The following CTDSPL variants were observed in gnomAD, a reference collection of about 807,000 sequenced individuals.
The protein encoded by CTDSPL is CTD small phosphatase like, also known as CTD small phosphatase-like protein.
Under a neutral mutation model 30.5 loss-of-function variants are expected in CTDSPL, and 8 were observed. The ratio of observed to expected loss-of-function variants is 0.26; its 90% confidence interval spans 0.15 to 0.47. CTDSPL has a LOEUF of 0.47. Among genes scored for constraint, CTDSPL ranks in the 20% least tolerant of loss-of-function variants. The pLI, the probability that CTDSPL is intolerant of heterozygous loss-of-function variation, is 0.99. For missense variants in CTDSPL, 248 were observed against 366.1 expected, an observed-to-expected ratio of 0.68 and a Z score of 2.63; for synonymous variants, 110 against 137.9, an observed-to-expected ratio of 0.80 and a Z score of 1.42.
At chr3:37,927,400 G>C (rs1046829928) in intron 1 of CTDSPL, among the ~76,000 whole-genome samples, 12 of 152,022 alleles carry the variant, frequency 7.9e-5, no homozygotes, top group Non-Finnish European at 1.5e-4. Context: ...CTATCCCCCA[G>C]ATAACTCATT....
In CTDSPL at chr3:37,982,445, A is replaced by G; in HGVS notation, c.*1578A>G. 3 of 426,446 alleles carry G rather than the reference A, an allele frequency of 7.0e-6. No individual in the cohort carries two copies. Among genetic ancestry groups the G allele is most frequent in the East Asian group, 1.4e-4 (2 of 14,066 alleles). The allele number at this position is 426,446 out of a possible 1,614,324, so 26.4% of individuals were successfully genotyped here. On this transcript the variant is annotated 3_prime_UTR_variant, in exon 8 of 8. Coordinates refer to ENST00000273179, the MANE Select transcript of CTDSPL (RefSeq NM_001008392.2). ...AAAAGAACCCTTTCATATTGGCACC[A>G]TTGCCTTAGTCCTCTGTGGGTTGGT... is the stretch of plus-strand genomic sequence containing the variant.
intron 1 of CTDSPL, among the ~76,000 whole-genome samples, chr3:37,937,302 T>A (rs1698927697): frequency 6.7e-6 from 1 of 150,054 alleles, no homozygotes; most frequent in Non-Finnish European, 1.5e-5. Context: ...TGTTGGGAGG[T>A]GGAACCTAAT....
At position 37,983,253 on chromosome 3, in the gene CTDSPL, C is replaced by T. The variant is rs1470585002; in HGVS notation, c.*2386C>T. 1 of 152,408 alleles carries T rather than the reference C, an allele frequency of 6.6e-6. No homozygotes were observed. The highest frequency in any genetic ancestry group is 2.4e-5 in the African/African-American group (1 of 41,406). 9.4% of individuals were successfully genotyped at this position (152,408 alleles called of 1,614,324 possible). On this transcript the variant is annotated 3_prime_UTR_variant, in exon 8 of 8. Coordinates refer to ENST00000273179, the MANE Select transcript of CTDSPL (RefSeq NM_001008392.2). ...TCCAAAATTCTGTTTTTATTTTAAC[C>T]CTTGAATCTGCTTTATGTACATAAT...
chr3:37,886,134 C>T lies in CTDSPL; in HGVS notation c.79+23856C>T, dbSNP rs143840372. On this transcript the variant is annotated intron_variant, in intron 1 of 7. Transcript: ENST00000273179. ...AGGGCTGCCTGAACCCCACCCTTCACGTCCTACTTGGGCTGCCAAAGTCAT... is the reference window on the plus strand; with the variant it reads ...AGGGCTGCCTGAACCCCACCCTTCATGTCCTACTTGGGCTGCCAAAGTCAT... Among the ~76,000 whole-genome samples, 586 of 152,302 alleles carry T rather than the reference C, an allele frequency of 3.8e-3. 22 individuals carry two copies. In the South Asian group the frequency reaches 0.076, roughly 20 times the overall value.
At chr3:37,922,495 G>A (rs970952067) in intron 1 of CTDSPL, among the ~76,000 whole-genome samples, 2 of 152,128 alleles carry the variant, frequency 1.3e-5, no homozygotes, top group African/African-American at 4.8e-5. Context: ...ACAACAATTG[G>A]GCCAGGATCT....
At chr3:37,872,193 G>T (rs1207131337) in intron 1 of CTDSPL, among the ~76,000 whole-genome samples, 1 of 152,064 alleles carries the variant, frequency 6.6e-6, no homozygotes, top group Admixed American at 6.5e-5. Context: ...TCGGGGGTCA[G>T]CCTATGTTAC....
intron 1 of CTDSPL, among the ~76,000 whole-genome samples, chr3:37,889,172 G>A (rs1575283492): frequency 6.6e-6 from 1 of 152,178 alleles, no homozygotes; most frequent in Non-Finnish European, 1.5e-5. Context: ...TTAGCTAGCT[G>A]TAACTTTTAT....
chr3:37,924,691 G>C (rs1336688552), intron 1 of CTDSPL, among the ~76,000 whole-genome samples: 1 of 152,220 alleles, frequency 6.6e-6, no homozygotes, highest in Non-Finnish European at 1.5e-5. Flanking sequence ...CTTTGTCTCA[G>C]GGATATGTAG....
chr3:37,929,350 A>G (rs1698822239), intron 1 of CTDSPL, among the ~76,000 whole-genome samples: 1 of 152,200 alleles, frequency 6.6e-6, no homozygotes, highest in Non-Finnish European at 1.5e-5. Context: ...TAGGGATTGC[A>G]TTGAATCTGT....
intron 1 of CTDSPL, among the ~76,000 whole-genome samples, chr3:37,883,453 A>G (rs1698230554): frequency 6.6e-6 from 1 of 152,232 alleles, no homozygotes; most frequent in Non-Finnish European, 1.5e-5. Flanking sequence ...ACCTCTAACT[A>G]AAACATGGCA....
At chr3:37,941,141 T>C (rs79762519) in intron 1 of CTDSPL, among the ~76,000 whole-genome samples, 1 of 150,258 alleles carries the variant, frequency 6.7e-6, no homozygotes, top group East Asian at 1.9e-4. Context: ...GCATTAGCTC[T>C]AAGGGCATAT....
rs1485999421 is a variant in CTDSPL at position 37,964,628 on chromosome 3, G to A, written c.325G>A (p.Val109Met). 3.1e-6 allele frequency: 5 copies of A among 1,613,902 alleles called. No individual in the cohort carries two copies. The African/African-American group carries it at 6.7e-5, about 22-fold the overall frequency. ...GGTGCTTGACTATGGAAAGAAATGTGTGGTCATTGATTTAGATGAAACATT... is the reference window on the plus strand; with the variant it reads ...GGTGCTTGACTATGGAAAGAAATGTATGGTCATTGATTTAGATGAAACATT... ...VTVLDYGKKCVVIDLDETLVH... is the reference protein window; with the variant it reads ...VTVLDYGKKCMVIDLDETLVH... The change falls in exon 4 of 8, where the codon GTG (valine) becomes ATG (methionine). Residue 109 changes from valine (V) to methionine (M), a missense_variant. By Grantham distance (21) the Val-to-Met change is conservative. Coordinates refer to ENST00000273179, the MANE Select transcript of CTDSPL (RefSeq NM_001008392.2).
chr3:37,867,849 A>AT (rs1194805022), intron 1 of CTDSPL, among the ~76,000 whole-genome samples: 2 of 152,128 alleles, frequency 1.3e-5, no homozygotes, highest in Non-Finnish European at 2.9e-5. Flanking sequence ...GCATGAATTC[A>AT]TTTTTTGTAG....
intron 7 of CTDSPL, among the ~76,000 whole-genome samples, chr3:37,977,101 A>G (rs1000281302): frequency 6.6e-6 from 1 of 152,238 alleles, no homozygotes; most frequent in Non-Finnish European, 1.5e-5. Context: ...CTCCAAATGT[A>G]TTTCTATGTA....
chr3:37,975,679 C>A lies in CTDSPL; in HGVS notation c.520-30C>A. On this transcript the variant is annotated intron_variant, in intron 6 of 7. Coordinates refer to ENST00000273179, the MANE Select transcript of CTDSPL (RefSeq NM_001008392.2). The surrounding 1 kb of genome is among the most constrained non-coding windows in gnomAD (Gnocchi z 4.9). ...GGGTTTGGGGGGCTCTTTTAAACACCCAGCCTTCATTGTGACACGTCTTTT... is the reference window on the plus strand; with the variant it reads ...GGGTTTGGGGGGCTCTTTTAAACACACAGCCTTCATTGTGACACGTCTTTT... 1.3e-6 allele frequency: 2 copies of A among 1,576,360 alleles called. No homozygotes were observed. The highest frequency in any genetic ancestry group is 1.7e-6 in the Non-Finnish European group (2 of 1,156,662).
At chr3:37,955,329 G>A (rs746030882) in intron 2 of CTDSPL, among the ~76,000 whole-genome samples, 1 of 152,212 alleles carries the variant, frequency 6.6e-6, no homozygotes, top group Non-Finnish European at 1.5e-5. Context: ...TCAGGAGGCT[G>A]AGGCAGGAGG....
At chr3:37,877,625 G>A (rs1183538500) in intron 1 of CTDSPL, among the ~76,000 whole-genome samples, 5 of 151,714 alleles carry the variant, frequency 3.3e-5, no homozygotes, top group African/African-American at 1.2e-4. Flanking sequence ...GCTGGATATG[G>A]TCATTCTATT....
intron 3 of CTDSPL, among the ~76,000 whole-genome samples, chr3:37,961,041 ATTTTAATAGT>A (rs1207857686): frequency 2.0e-5 from 3 of 152,128 alleles, no homozygotes; most frequent in Non-Finnish European, 4.4e-5. Context: ...TTCTTCTAGT[ATTTTAATAGT>A]TTTTAATAGT....
chr3:37,968,390 G>A (rs751823922), intron 5 of CTDSPL: 6 of 310,426 alleles, frequency 1.9e-5, no homozygotes, highest in South Asian at 5.0e-5. Context: ...GTGAGTTTTC[G>A]GATCCGCAGG....
Sources: gnomAD v4.1 joint callset for allele counts (sites outside exome capture counted in the v4.1 genomes callset) on GRCh38, gnomAD v4.1.1 for gene constraint, Gnocchi (gnomAD v3.1) non-coding constraint, MANE v1.5 for transcripts, NCBI Gene and HGNC (gene_info 2026-07-23, HGNC 2026-07-21) for gene names.